The following ITIH5 variants were observed in gnomAD, a reference collection of about 807,000 sequenced individuals.
ITIH5 encodes the protein inter-alpha-trypsin inhibitor heavy chain 5.
Under a neutral mutation model 77.5 loss-of-function variants are expected in ITIH5, and 65 were observed. The ratio of observed to expected loss-of-function variants is 0.84; its 90% CI spans 0.69 to 1.03. The LOEUF is 1.03. Among genes scored for constraint, ITIH5 ranks in the 50% least tolerant of loss-of-function variants. The pLI is 0.00. For missense variants in ITIH5, 1,208 were observed against 1,213.1 expected (o/e 1.00, Z 0.06); for synonymous variants, 525 against 494.3 (o/e 1.06, Z -0.82).
Position 7,566,893 on chromosome 10 carries a change from GAAGAAGAAGAAGAAGAAGAAGAAGAAGAA to G in ITIH5, c.2150-515_2150-487del, listed in dbSNP as rs1460716881. 6.0e-4 allele frequency among the ~76,000 whole-genome samples: 72 copies of G among 119,240 alleles called. 8 individuals carry two copies. The highest frequency in any genetic ancestry group is 2.3e-3 in the African/African-American group (66 of 28,234). 78.2% of individuals were successfully genotyped at this position (119,240 alleles called of 152,430 possible). A position where few individuals can be genotyped will look rare whatever the true frequency, so the allele number is the denominator to read the frequency against. On this transcript the variant is annotated intron_variant, in intron 12 of 13. Transcript: ENST00000397146. The stretch of plus-strand genomic sequence containing the variant: ...AGAAGAAGAAGAAGAAGAAGAAGAA[GAAGAAGAAGAAGAAGAAGAAGAAGAAGAA>G]AAGAAAAGAAAATCTATCCCTGCCC...
intron 5 of ITIH5, among the ~76,000 whole-genome samples, chr10:7,629,314 CGT>C (rs1833667189): frequency 1.1e-5 from 1 of 93,546 alleles, no homozygotes; most frequent in African/African-American, 4.9e-5. Flanking sequence ...CATGTTGTAG[CGT>C]GTGCCCATGT....
intron 11 of ITIH5, chr10:7,570,243 A>G (rs1201007449): frequency 6.5e-6 from 1 of 152,682 alleles, no homozygotes; most frequent in East Asian, 1.9e-4. Flanking sequence ...TTCTCCCAGG[A>G]AGCCATGGGC....
At chr10:7,565,083 TACAC>T (rs60129280) in intron 13 of ITIH5, among the ~76,000 whole-genome samples, 15 of 136,174 alleles carry the variant, frequency 1.1e-4, no homozygotes, top group African/African-American at 4.9e-4. Flanking sequence ...TATATATATA[TACAC>T]ACACACACAC....
Position 7,566,792 on chromosome 10 carries a change from AAGAAG to A in ITIH5, c.2150-390_2150-386del, listed in dbSNP as rs1370869796. 4.0e-4 allele frequency among the ~76,000 whole-genome samples: 3 copies of A among 7,496 alleles called. 1 individual carries two copies. The highest frequency in any genetic ancestry group is 2.6e-4 in the Non-Finnish European group (1 of 3,898). The allele number at this position is 7,496 out of a possible 152,430, so 4.9% of individuals were successfully genotyped here. ...GAAGAAAGAAGAAAGAAGAAAGAAGAAGAAGAAGAGGAAGAGGAAGAGGAAGAGGA... is the reference window on the plus strand; with the variant it reads ...GAAGAAAGAAGAAAGAAGAAAGAAGAAAGAGGAAGAGGAAGAGGAAGAGGA... On this transcript the variant is annotated intron_variant, in intron 12 of 13. Coordinates refer to ENST00000397146, the MANE Select transcript of ITIH5 (RefSeq NM_030569.7).
intron 5 of ITIH5, among the ~76,000 whole-genome samples, chr10:7,631,044 A>G (rs1165352428): frequency 6.6e-6 from 1 of 150,810 alleles, no homozygotes; most frequent in Admixed American, 6.6e-5. Context: ...AGCCCAGGAA[A>G]AAAAAAAAAG....
intron 8 of ITIH5, 114 bp downstream of exon 8, chr10:7,585,787 C>T (rs1007271974): frequency 5.4e-6 from 5 of 924,558 alleles, no homozygotes; most frequent in South Asian, 1.8e-5. Context: ...GTCTCCCTTC[C>T]TGCCATCAAC....
At position 7,559,859 on chromosome 10, in the gene ITIH5, T is replaced by TG. The variant is rs760226864; in HGVS notation, c.*3223_*3224insC. 3.3e-4 allele frequency: 141 copies of TG among 424,558 alleles called. No homozygotes were observed. In the African/African-American group the frequency reaches 3.8e-3, roughly 11 times the overall value. 26.3% of individuals were successfully genotyped at this position (424,558 alleles called of 1,614,324 possible). On this transcript the variant is annotated 3_prime_UTR_variant, in exon 14 of 14. Transcript: ENST00000397146. ...CTCCCATGTCTTTTTTTTGTTTTGT[T>TG]TTGTTTTTTTTTGACGGAGTTTGGC...
intron 7 of ITIH5, among the ~76,000 whole-genome samples, chr10:7,615,776 G>A (rs1279253753): frequency 2.0e-5 from 3 of 152,132 alleles, no homozygotes; most frequent in Non-Finnish European, 4.4e-5. Context: ...TCTACAGCAC[G>A]TCCCTCTGCT....
chr10:7,643,865 T>C (rs1833926272), intron 2 of ITIH5, among the ~76,000 whole-genome samples: 1 of 152,340 alleles, frequency 6.6e-6, no homozygotes, highest in South Asian at 2.1e-4. Flanking sequence ...TCAAAATGTT[T>C]GCGTGAAATC....
At chr10:7,613,890 G>A (rs1048738595) in intron 7 of ITIH5, among the ~76,000 whole-genome samples, 39 of 152,302 alleles carry the variant, frequency 2.6e-4, no homozygotes, top group Admixed American at 2.2e-3. Context: ...CATTTGGGCT[G>A]CCCAAACACC....
chr10:7,565,977 G>A (rs1832145828), intron 13 of ITIH5, 53 bp downstream of exon 13: 15 of 1,556,890 alleles, frequency 9.6e-6, no homozygotes, highest in Admixed American at 1.9e-5. Flanking sequence ...GCTTTGCTTG[G>A]GAAATGTAAC....
intron 5 of ITIH5, among the ~76,000 whole-genome samples, chr10:7,624,813 ACACATATATATGTGTATATACATG>A (rs1478233696): frequency 8.4e-5 from 10 of 118,524 alleles, no homozygotes; most frequent in African/African-American, 2.7e-4. Context: ...ATATATATAT[ACACATATATATGTGTATATACATG>A]TATATACACA....
At chr10:7,587,781 C>A (rs1447760239) in intron 7 of ITIH5, among the ~76,000 whole-genome samples, 1 of 152,142 alleles carries the variant, frequency 6.6e-6, no homozygotes, top group Non-Finnish European at 1.5e-5. Flanking sequence ...GTGGTGGTTT[C>A]CAGAAGGACA....
chr10:7,652,242 C>A (rs565367262), intron 2 of ITIH5, among the ~76,000 whole-genome samples: 15 of 152,126 alleles, frequency 9.9e-5, no homozygotes, highest in Admixed American at 9.8e-4. Flanking sequence ...GGCAGTGTTA[C>A]GGGAGTACCA....
At chr10:7,601,114 C>T (rs547490107) in intron 7 of ITIH5, among the ~76,000 whole-genome samples, 1 of 152,102 alleles carries the variant, frequency 6.6e-6, no homozygotes, top group Non-Finnish European at 1.5e-5. Context: ...TAATTTGGCT[C>T]CCCTCTCCCC....
chr10:7,576,031 G>C (rs1426195498), intron 10 of ITIH5, among the ~76,000 whole-genome samples: 1 of 152,018 alleles, frequency 6.6e-6, no homozygotes, highest in Non-Finnish European at 1.5e-5. Flanking sequence ...TTTTTGGTTG[G>C]TTGTTTTTTT....
intron 13 of ITIH5, among the ~76,000 whole-genome samples, chr10:7,564,848 T>C (rs1236066237): frequency 6.6e-6 from 1 of 150,712 alleles, no homozygotes; most frequent in Non-Finnish European, 1.5e-5. Flanking sequence ...CATACATACA[T>C]ATATACATAC....
In ITIH5 at chr10:7,560,677, TTAAC is replaced by T. The variant is rs1832024922; in HGVS notation, c.*2402_*2405del. 6.6e-6 allele frequency: 1 copy of T among 152,212 alleles called. No individual in the cohort carries two copies. The allele number at this position is 152,212 out of a possible 1,614,324, so 9.4% of individuals were successfully genotyped here. On this transcript the variant is annotated 3_prime_UTR_variant, in exon 14 of 14. Transcript: ENST00000397146. Reference sequence around the variant, plus strand: ...CCAGTTAGTCAGTGATCATGACACATTAACTATTGTGATAACAAGGAGATTTATC... The same window carrying T: ...CCAGTTAGTCAGTGATCATGACACATTATTGTGATAACAAGGAGATTTATC...
chr10:7,595,922 C>T (rs745794897), intron 7 of ITIH5, among the ~76,000 whole-genome samples: 1 of 152,194 alleles, frequency 6.6e-6, no homozygotes, highest in African/African-American at 2.4e-5. Context: ...GCAGGAGAAT[C>T]GCTTGAACCC....
Sources: allele counts gnomAD v4.1 joint callset (sites outside exome capture counted in the v4.1 genomes callset), GRCh38; gene constraint gnomAD v4.1.1; transcripts MANE v1.5; gene names NCBI Gene and HGNC (gene_info 2026-07-23, HGNC 2026-07-21).